Variants in APOBEC3D observed in about 807,000 individuals in gnomAD.
The protein encoded by APOBEC3D is apolipoprotein B mRNA editing enzyme catalytic subunit 3D.
A neutral mutation model predicts 45.6 loss-of-function variants in APOBEC3D; 37 were observed. The ratio of observed to expected loss-of-function variants is 0.81; its 90% CI spans 0.62 to 1.07. The LOEUF (loss-of-function observed/expected upper bound fraction) is 1.07, where lower values mean the gene tolerates loss of function less well. Among genes scored for constraint, APOBEC3D ranks in the 50% least tolerant of loss-of-function variants. The pLI, the probability that APOBEC3D is intolerant of heterozygous loss-of-function variation, is 0.00. For missense variants in APOBEC3D, 496 were observed against 495.3 expected, an observed-to-expected ratio of 1.00 and a Z score of -0.01; for synonymous variants, 175 against 180.7, an observed-to-expected ratio of 0.97 and a Z score of 0.25.
chr22:39,027,904 G>A (rs989457919), intron 4 of APOBEC3D, among the ~76,000 whole-genome samples: 1 of 152,208 alleles, frequency 6.6e-6, no homozygotes. Context: ...TGCCCGGGCT[G>A]GTGCTCCCCG....
intron 4 of APOBEC3D, among the ~76,000 whole-genome samples, 197 bp downstream of exon 4, chr22:39,025,868 G>A (rs564947709): frequency 6.6e-6 from 1 of 152,022 alleles, no homozygotes; most frequent in South Asian, 2.1e-4. Context: ...CTTCCTGTGA[G>A]TGAGAGGCCC....
intron 1 of APOBEC3D, 43 bp from the exon 2 acceptor site, chr22:39,022,779 G>C (rs1638284257): frequency 6.3e-7 from 1 of 1,592,178 alleles, no homozygotes; most frequent in African/African-American, 1.4e-5. Context: ...GAGGACTCCA[G>C]GAGGGCTCCC....
At chr22:39,023,053 G>A (rs1364518635) in intron 2 of APOBEC3D, 39 bp downstream of exon 2, 2 of 1,480,600 alleles carry the variant, frequency 1.4e-6, no homozygotes, top group Middle Eastern at 1.9e-4. Context: ...TAAGTAAAAT[G>A]TCTGGCGGCG....
rs1365314554 is a variant in APOBEC3D at position 39,021,357 on chromosome 22, C to G, written c.-163C>G. 1.2e-6 allele frequency: 1 copy of G among 851,506 alleles called. No individual in the cohort carries two copies. The highest frequency in any genetic ancestry group is 1.7e-5 in the African/African-American group (1 of 58,954). 52.7% of individuals were successfully genotyped at this position (851,506 alleles called of 1,614,324 possible). ...TCCTGACCTCGTGATCCGCCCGCCT[C>G]GGCCTCCCAAAGTGCTGGGATTACA... On this transcript the variant is annotated 5_prime_UTR_variant, in exon 1 of 7. Transcript: ENST00000216099.
chr22:39,027,935 T>C (rs1424152644), intron 4 of APOBEC3D, among the ~76,000 whole-genome samples: 1 of 152,258 alleles, frequency 6.6e-6, no homozygotes, highest in East Asian at 1.9e-4. Context: ...GTGCTCCCTC[T>C]GTGTGCTTCC....
rs1198716861 is a variant in APOBEC3D, at chr22:39,025,550, A to G, written c.491-7A>G. 1.2e-6 allele frequency: 2 copies of G among 1,614,078 alleles called. No homozygotes were observed. Among genetic ancestry groups the G allele is most frequent in the Admixed American group, 1.7e-5 (1 of 60,018 alleles). On this transcript the variant is annotated splice_region_variant and splice_polypyrimidine_tract_variant and intron_variant, in intron 3 of 6. Coordinates refer to ENST00000216099, the MANE Select transcript of APOBEC3D (RefSeq NM_152426.4). Reference sequence around the variant, plus strand: ...GAGCCTGAGTGCTTCCCACCTCTTCATCTCAGACTTTGCATACTGCTGGGA... The same window carrying G: ...GAGCCTGAGTGCTTCCCACCTCTTCGTCTCAGACTTTGCATACTGCTGGGA...
intron 4 of APOBEC3D, among the ~76,000 whole-genome samples, chr22:39,026,197 A>C (rs1925647040): frequency 6.6e-6 from 1 of 152,080 alleles, no homozygotes; most frequent in African/African-American, 2.4e-5. Flanking sequence ...CTGCAAGTCC[A>C]AGGTGGAGGG....
rs1926232120 is a variant in APOBEC3D at position 39,031,721 on chromosome 22, G to A, written c.790G>A (p.Glu264Lys). 1.9e-6 allele frequency: 3 copies of A among 1,612,692 alleles called. No homozygotes were observed. The Admixed American group carries it at 5.0e-5, about 27-fold the overall frequency. The stretch of plus-strand genomic sequence containing the variant: ...GGATCCTGAGACCCATTGTCATGCA[G>A]AAAGGTGCTTCCTCTCTTGGTTCTG... ...QVDPETHCHA[E>K]RCFLSWFCDD... The change falls in exon 6 of 7, where the codon GAA (glutamate) becomes AAA (lysine). Residue 264 changes from glutamate (E) to lysine (K), a missense_variant. Transcript: ENST00000216099.
chr22:39,023,089 C>G, intron 2 of APOBEC3D, 75 bp downstream of exon 2: 2 of 953,052 alleles, frequency 2.1e-6, no homozygotes, highest in Non-Finnish European at 2.7e-6. Context: ...ATTTTTTCCC[C>G]ACATTTATTT....
Position 39,032,620 on chromosome 22 carries a change from G to A in APOBEC3D, c.*304G>A, listed in dbSNP as rs1252438830. 9.6e-7 allele frequency: 1 copy of A among 1,043,996 alleles called. No individual in the cohort carries two copies. The highest frequency in any genetic ancestry group is 2.0e-5 in the African/African-American group (1 of 50,826). The allele number at this position is 1,043,996 out of a possible 1,614,324, so 64.7% of individuals were successfully genotyped here. A position where few individuals can be genotyped will look rare whatever the true frequency, so the allele number is the denominator to read the frequency against. ...TTTTTTTTTTTTTTTTTGAGACGGA[G>A]TTTCACTCTGTCGCCCAGACTAGAG... On this transcript the variant is annotated 3_prime_UTR_variant, in exon 7 of 7. Coordinates refer to ENST00000216099, the MANE Select transcript of APOBEC3D (RefSeq NM_152426.4).
intron 1 of APOBEC3D, among the ~76,000 whole-genome samples, chr22:39,021,780 T>C (rs1028899549): frequency 6.6e-6 from 1 of 152,178 alleles, no homozygotes; most frequent in Non-Finnish European, 1.5e-5. Flanking sequence ...GACTCTTCCC[T>C]GAAAGTCATG....
In APOBEC3D at chr22:39,031,852, C is replaced by G. The variant is rs1298752406; in HGVS notation, c.921C>G (p.His307Gln). The change falls in exon 6 of 7, where the codon CAC (histidine) becomes CAG (glutamine). Residue 307 changes from histidine (H) to glutamine (Q), a missense_variant. His to Gln is a conservative substitution (Grantham distance 24). Coordinates refer to ENST00000216099, the MANE Select transcript of APOBEC3D (RefSeq NM_152426.4). ...AGEVAEFLAR[H>Q]SNVNLTIFTA... ...AGGTGGCCGAGTTCCTGGCCAGGCA[C>G]AGCAACGTGAATCTCACCATCTTCA... is the stretch of plus-strand genomic sequence containing the variant. 9 of 1,614,198 alleles carry G rather than the reference C, an allele frequency of 5.6e-6. No homozygotes were observed. The South Asian group carries it at 8.8e-5, about 16-fold the overall frequency.
chr22:39,024,473 C>T (rs1319317635), intron 2 of APOBEC3D, among the ~76,000 whole-genome samples: 2 of 152,206 alleles, frequency 1.3e-5, no homozygotes, highest in Non-Finnish European at 2.9e-5. Flanking sequence ...CAGGGAAGCA[C>T]GTGTCTTGGT....
intron 1 of APOBEC3D, 91 bp downstream of exon 1, chr22:39,021,627 G>A: frequency 6.3e-7 from 1 of 1,577,436 alleles, no homozygotes; most frequent in African/African-American, 1.3e-5. Flanking sequence ...CCCTGCCCCA[G>A]CCCCAGCCCT....
At chr22:39,025,441 G>A (rs1192731199) in intron 3 of APOBEC3D, 92 bp downstream of exon 3, 1 of 1,613,296 alleles carries the variant, frequency 6.2e-7, no homozygotes, top group East Asian at 2.2e-5. Flanking sequence ...GTGTTCCAGG[G>A]CAGCCTGCAG....
At chr22:39,029,707 C>T (rs1926020858) in intron 5 of APOBEC3D, among the ~76,000 whole-genome samples, 188 bp downstream of exon 5, 1 of 151,528 alleles carries the variant, frequency 6.6e-6, no homozygotes, top group Admixed American at 6.6e-5. Context: ...AAGCGATTCT[C>T]CTGCCTCAGC....
At position 39,030,333 on chromosome 22, in the gene APOBEC3D, G is replaced by A. The variant is rs1236604473; in HGVS notation, c.762+814G>A. On this transcript the variant is annotated intron_variant, in intron 5 of 6. Coordinates refer to ENST00000216099, the MANE Select transcript of APOBEC3D (RefSeq NM_152426.4). ...CCCAGGCAGGAGATTTTTTCAGAGT[G>A]TGTTTGGGGAGGGAGCCGTCTGTGT... Among the ~76,000 whole-genome samples, 5 of 147,864 alleles carry A rather than the reference G, an allele frequency of 3.4e-5. No individual in the cohort carries two copies. In the Middle Eastern group the frequency reaches 0.01, roughly 308 times the overall value.
chr22:39,022,017 G>A (rs567209256), intron 1 of APOBEC3D, among the ~76,000 whole-genome samples: 14 of 152,302 alleles, frequency 9.2e-5, no homozygotes, highest in African/African-American at 2.9e-4. Flanking sequence ...AAATCACATC[G>A]TCCAAGGATG....
Position 39,032,280 on chromosome 22 carries a change from A to T in APOBEC3D, c.1125A>T (p.Arg375=). 1 of 1,614,098 alleles carries T rather than the reference A, an allele frequency of 6.2e-7. No individual in the cohort carries two copies. Among genetic ancestry groups the T allele is most frequent in the South Asian group, 1.1e-5 (1 of 91,076 alleles). ...KPWKGLQTNF[R]LLKRRLREIL... ...GGAAGGGACTACAAACCAACTTTCG[A>T]CTTCTGAAAAGAAGGCTACGGGAGA... is the stretch of plus-strand genomic sequence containing the variant. Residue 375 remains arginine, a synonymous_variant, in exon 7 of 7, where the codon CGA becomes CGT. Coordinates refer to ENST00000216099, the MANE Select transcript of APOBEC3D (RefSeq NM_152426.4).
Sources: gnomAD v4.1 joint callset for allele counts (sites outside exome capture counted in the v4.1 genomes callset) on GRCh38, gnomAD v4.1.1 for gene constraint, MANE v1.5 for transcripts, NCBI Gene and HGNC (gene_info 2026-07-23, HGNC 2026-07-21) for gene names.